Variants in DYNC1LI2 observed in about 807,000 individuals in gnomAD.
The protein encoded by DYNC1LI2 is dynein cytoplasmic 1 light intermediate chain 2, also known as cytoplasmic dynein 1 light intermediate chain 2.
DYNC1LI2 carries 19 observed loss-of-function variants against 57.8 expected under a neutral mutation model. The ratio of observed to expected loss-of-function variants is 0.33; its 90% CI spans 0.23 to 0.48. DYNC1LI2 has a LOEUF of 0.48. DYNC1LI2 is among the 20% of genes least tolerant of loss of function. The pLI is 0.99. For synonymous variants in DYNC1LI2, 256 were observed against 233.4 expected, an observed-to-expected ratio of 1.10 and a Z score of -0.88; for missense variants, 470 against 604.2, an observed-to-expected ratio of 0.78 and a Z score of 2.33.
intron 3 of DYNC1LI2, among the ~76,000 whole-genome samples, chr16:66,747,324 C>T (rs1352608415): frequency 6.6e-6 from 1 of 152,032 alleles, no homozygotes; most frequent in Non-Finnish European, 1.5e-5. Flanking sequence ...GATCTGCCTG[C>T]CTCAGACTCC....
At position 66,723,825 on chromosome 16, in the gene DYNC1LI2, G is replaced by GAAA; in HGVS notation, c.1379-6_1379-4dup. On this transcript the variant is annotated splice_polypyrimidine_tract_variant and splice_region_variant and intron_variant, in intron 12 of 12. Coordinates refer to ENST00000258198, the MANE Select transcript of DYNC1LI2 (RefSeq NM_006141.3). ...ATTTGACAACACAGTCTTTTGTCCTGAAAAAAAAAAAAAGCAAAAAAGCAA... is the reference window on the plus strand; with the variant it reads ...ATTTGACAACACAGTCTTTTGTCCTGAAAAAAAAAAAAAAAAGCAAAAAAGCAA... 14 of 1,389,334 alleles carry GAAA rather than the reference G, an allele frequency of 1.0e-5. No individual in the cohort carries two copies. Among genetic ancestry groups the GAAA allele is most frequent in the Admixed American group, 2.4e-5 (1 of 42,158 alleles). The allele number at this position is 1,389,334 out of a possible 1,614,324, so 86.1% of individuals were successfully genotyped here.
At chr16:66,738,038 G>C (rs780457159) in intron 4 of DYNC1LI2, among the ~76,000 whole-genome samples, 5 of 152,142 alleles carry the variant, frequency 3.3e-5, no homozygotes, top group Non-Finnish European at 7.4e-5. Flanking sequence ...CCTAGAGAAA[G>C]GTCCTACCTG....
At position 66,721,136 on chromosome 16, in the gene DYNC1LI2, C is replaced by T. The variant is rs1383882793; in HGVS notation, c.*2586G>A. ...TTAACATTGTTAAGGTCATGATGTA[C>T]AGAGCAGTCACTTTCAACTTTGTTA... is the stretch of plus-strand genomic sequence containing the variant. On this transcript the variant is annotated 3_prime_UTR_variant, in exon 13 of 13. Transcript: ENST00000258198. 1 of 152,582 alleles carries T rather than the reference C, an allele frequency of 6.6e-6. No homozygotes were observed. Among genetic ancestry groups the T allele is most frequent in the African/African-American group, 2.4e-5 (1 of 41,436 alleles). 9.5% of individuals were successfully genotyped at this position (152,582 alleles called of 1,614,324 possible). A position where few individuals can be genotyped will look rare whatever the true frequency, so the allele number is the denominator to read the frequency against.
At position 66,751,349 on chromosome 16, in the gene DYNC1LI2, G is replaced by T; in HGVS notation, c.108-3C>A. The T allele has an allele frequency of 6.2e-7, 1 of 1,611,356 alleles. No individual in the cohort carries two copies. Among genetic ancestry groups the T allele is most frequent in the Non-Finnish European group, 8.5e-7 (1 of 1,178,784 alleles). On this transcript the variant is annotated splice_region_variant and splice_polypyrimidine_tract_variant and intron_variant, in intron 1 of 12. Transcript: ENST00000258198. This position sits in a 1 kb window ranked among gnomAD's most constrained non-coding sequence, Gnocchi z 5.2. ...ACACTTCGCTCAGAATGGAGGACCT[G>T]TGGCGACAATGGCAAGAGTGGTCAG...
At chr16:66,745,831 G>A (rs2017926244) in intron 3 of DYNC1LI2, among the ~76,000 whole-genome samples, 1 of 151,870 alleles carries the variant, frequency 6.6e-6, no homozygotes, top group Admixed American at 6.6e-5. Flanking sequence ...TCGAGCTCGG[G>A]AGGTGGAGGT....
rs548916710 is a variant in DYNC1LI2, at chr16:66,744,829, G to T, written c.299-2161C>A. Reference sequence around the variant, plus strand: ...CCCGCCTCAGCCTCCCAAAGTGCTGGGATTATAGGCATGAATCACCATGCC... The same window carrying T: ...CCCGCCTCAGCCTCCCAAAGTGCTGTGATTATAGGCATGAATCACCATGCC... On this transcript the variant is annotated intron_variant, in intron 3 of 12. Transcript: ENST00000258198. 1.9e-4 allele frequency among the ~76,000 whole-genome samples: 29 copies of T among 149,748 alleles called. No homozygotes were observed. The South Asian group carries it at 2.8e-3, about 14-fold the overall frequency.
Position 66,721,902 on chromosome 16 carries a change from G to A in DYNC1LI2, c.*1820C>T, listed in dbSNP as rs752905028. On this transcript the variant is annotated 3_prime_UTR_variant, in exon 13 of 13. Coordinates refer to ENST00000258198, the MANE Select transcript of DYNC1LI2 (RefSeq NM_006141.3). ...CGGGGACTAAGCGACCCCACCTTTA[G>A]TGAGGCCACAAGCTGTTTGGCATCT... is the stretch of plus-strand genomic sequence containing the variant. The A allele has an allele frequency of 2.0e-5, 3 of 152,276 alleles. No homozygotes were observed. The highest frequency in any genetic ancestry group is 6.6e-5 in the Admixed American group (1 of 15,262). 9.4% of individuals were successfully genotyped at this position (152,276 alleles called of 1,614,324 possible).
At chr16:66,747,569 A>AT (rs760932236) in intron 3 of DYNC1LI2, among the ~76,000 whole-genome samples, 438 of 141,262 alleles carry the variant, frequency 3.1e-3, no homozygotes, top group Middle Eastern at 0.011. Context: ...AAAGAAAGTA[A>AT]TTTTTTTTTT....
At chr16:66,747,935 AAACCAACC>A (rs954705732) in intron 3 of DYNC1LI2, among the ~76,000 whole-genome samples, 1 of 152,166 alleles carries the variant, frequency 6.6e-6, no homozygotes, top group Non-Finnish European at 1.5e-5. Flanking sequence ...TCTACCAAAA[AAACCAACC>A]AACCAACCAA....
intron 6 of DYNC1LI2, 99 bp downstream of exon 6, chr16:66,734,119 G>T: frequency 1.9e-6 from 2 of 1,072,444 alleles, no homozygotes; most frequent in South Asian, 1.4e-5. Flanking sequence ...CTCTTTGGCA[G>T]AACACTATTC....
chr16:66,729,065 T>G lies in DYNC1LI2; in HGVS notation c.1076A>C (p.Glu359Ala). 2 of 1,614,224 alleles carry G rather than the reference T, an allele frequency of 1.2e-6. No homozygotes were observed. Residue 359 changes from glutamate to alanine, a missense_variant, in exon 9 of 13, where the codon GAG becomes GCG. Physicochemically the swap from Glu to Ala is moderately radical, Grantham distance 107. Transcript: ENST00000258198. ...CTGTTGCTTCATTAGGAACACCTGC[T>G]CATCTTCTGCTGCCAACTCTTTGTC... ...VHDKELAAED[E>A]QVFLMKQQSL...
At chr16:66,723,930 A>G (rs1040829376) in intron 12 of DYNC1LI2, 108 bp from the exon 13 acceptor site, 1 of 878,686 alleles carries the variant, frequency 1.1e-6, no homozygotes, top group Non-Finnish European at 1.7e-6. Context: ...ACTTGATGAC[A>G]GTAACCTTAA....
chr16:66,734,941 G>A (rs2017704403), intron 5 of DYNC1LI2, among the ~76,000 whole-genome samples: 2 of 117,092 alleles, frequency 1.7e-5, no homozygotes, highest in Non-Finnish European at 3.3e-5. Flanking sequence ...AGGTTGCAGT[G>A]AGCCGAGATC....
intron 11 of DYNC1LI2, among the ~76,000 whole-genome samples, chr16:66,727,279 CCA>C (rs894711974): frequency 1.3e-5 from 2 of 152,144 alleles, no homozygotes; most frequent in African/African-American, 4.8e-5. Flanking sequence ...CCCAGCTACT[CCA>C]GAGTTGACAT....
In DYNC1LI2 at chr16:66,751,501, C is replaced by T; in HGVS notation, c.91G>A (p.Glu31Lys). 1 of 1,589,490 alleles carries T rather than the reference C, an allele frequency of 6.3e-7. No homozygotes were observed. Among genetic ancestry groups the T allele is most frequent in the Non-Finnish European group, 8.5e-7 (1 of 1,170,508 alleles). Residue 31 changes from glutamate to lysine, a missense_variant, in exon 1 of 13, where the codon GAA becomes AAA. Glu to Lys is a moderately conservative substitution (Grantham distance 56). Transcript: ENST00000258198. This position sits in a 1 kb window ranked among gnomAD's most constrained non-coding sequence, Gnocchi z 5.2. ...AAGDLTSEEE[E>K]GQSLWSSILS... Reference sequence around the variant, plus strand: ...CGGCCTCACCATAGGCTCTGGCCTTCCTCCTCCTCACTGGTCAGGTCGCCG... The same window carrying T: ...CGGCCTCACCATAGGCTCTGGCCTTTCTCCTCCTCACTGGTCAGGTCGCCG...
At chr16:66,728,143 A>G in intron 10 of DYNC1LI2, 58 bp downstream of exon 10, 1 of 1,605,426 alleles carries the variant, frequency 6.2e-7, no homozygotes, top group Non-Finnish European at 8.5e-7. Flanking sequence ...AATGGTATAA[A>G]GTTTGATGAC....
Position 66,729,119 on chromosome 16 carries a change from T to C in DYNC1LI2, c.1042-20A>G. The C allele has an allele frequency of 4.3e-6, 7 of 1,613,860 alleles. No individual in the cohort carries two copies. Among genetic ancestry groups the C allele is most frequent in the Non-Finnish European group, 5.9e-6 (7 of 1,180,002 alleles). ...GACCAGCTGTGAAACAACATACATG[T>C]TTGTGGCCACAGGCCAAGAATACTC... On this transcript the variant is annotated intron_variant, in intron 8 of 12. Transcript: ENST00000258198.
chr16:66,742,561 C>T lies in DYNC1LI2; in HGVS notation c.406G>A (p.Val136Ile). The T allele has an allele frequency of 1.9e-6, 3 of 1,614,188 alleles. No individual in the cohort carries two copies. Among genetic ancestry groups the T allele is most frequent in the Non-Finnish European group, 2.5e-6 (3 of 1,180,042 alleles). The change falls in exon 4 of 13, where the codon GTT (valine) becomes ATT (isoleucine). Residue 136 changes from valine (V) to isoleucine (I), a missense_variant. Physicochemically the swap from Val to Ile is conservative, Grantham distance 29. Transcript: ENST00000258198. ...GTCCAAGGTCTAGACATGTCTGCAA[C>T]AAAAATGACGAGGGTCTCTGGCAAG... ...ESLPETLVIF[V>I]ADMSRPWTVM...
rs1470851706 is a variant in DYNC1LI2 at position 66,723,665 on chromosome 16, A to G, written c.*57T>C. On this transcript the variant is annotated 3_prime_UTR_variant, in exon 13 of 13. Transcript: ENST00000258198. ...GCCATATCAGAAAAATCCTGGTCTT[A>G]GCAGATCAATATACATAGTTATTTG... The G allele has an allele frequency of 4.0e-6, 6 of 1,507,854 alleles. No individual in the cohort carries two copies. The African/African-American group carries it at 7.0e-5, about 18-fold the overall frequency. 93.4% of individuals were successfully genotyped at this position (1,507,854 alleles called of 1,614,324 possible).
Sources: gnomAD v4.1 joint callset for allele counts (sites outside exome capture counted in the v4.1 genomes callset) on GRCh38, gnomAD v4.1.1 for gene constraint, Gnocchi (gnomAD v3.1) non-coding constraint, MANE v1.5 for transcripts, NCBI Gene and HGNC (gene_info 2026-07-23, HGNC 2026-07-21) for gene names.